The following BORCS5 variants were observed in gnomAD, a reference collection of about 807,000 sequenced individuals.
The protein encoded by BORCS5 is BLOC-1-related complex subunit 5.
A neutral mutation model predicts 22.1 loss-of-function variants in BORCS5; 17 were observed. The observed-to-expected ratio is 0.77, with a 90% CI of 0.53 to 1.15. The LOEUF (loss-of-function observed/expected upper bound fraction) is 1.15, where lower values mean the gene tolerates loss of function less well. Ranked by LOEUF, BORCS5 falls within the 50% of genes most tolerant of loss-of-function variation. The pLI is 0.00. For synonymous variants in BORCS5, 117 were observed against 99.8 expected, an observed-to-expected ratio of 1.17 and a Z score of -1.03; for missense variants, 247 against 253.2, an observed-to-expected ratio of 0.98 and a Z score of 0.17.
intron 2 of BORCS5, among the ~76,000 whole-genome samples, chr12:12,397,666 A>G (rs1456225749): frequency 1.3e-5 from 2 of 152,238 alleles, no homozygotes; most frequent in Non-Finnish European, 2.9e-5. Flanking sequence ...TACCACCGCC[A>G]GTTTTTTCAG....
chr12:12,438,360 CAAA>C (rs57737663), intron 3 of BORCS5, among the ~76,000 whole-genome samples: 22 of 23,786 alleles, frequency 9.2e-4, no homozygotes, highest in East Asian at 2.9e-3. Context: ...GATTTCATCT[CAAA>C]AAAAAAAAAA....
intron 2 of BORCS5, among the ~76,000 whole-genome samples, chr12:12,365,327 C>A (rs1175749754): frequency 6.6e-6 from 1 of 151,806 alleles, no homozygotes; most frequent in Non-Finnish European, 1.5e-5. Context: ...CACCACCACA[C>A]CCGGCTAATT....
At position 12,431,154 on chromosome 12, in the gene BORCS5, C is replaced by T. The variant is rs982099261; in HGVS notation, c.203-4474C>T. On this transcript the variant is annotated intron_variant, in intron 2 of 3. Coordinates refer to ENST00000314565, the MANE Select transcript of BORCS5 (RefSeq NM_058169.6). ...GTTATCCATGCCAAATTGCCCTCCT[C>T]CATAGGGTGTTAACAACTTACACAC... Among the ~76,000 whole-genome samples the T allele has an allele frequency of 7.5e-4, 115 of 152,320 alleles. 1 individual carries two copies. The highest frequency in any genetic ancestry group is 2.7e-3 in the African/African-American group (114 of 41,572).
At chr12:12,404,552 T>G (rs1473190257) in intron 2 of BORCS5, among the ~76,000 whole-genome samples, 1 of 152,186 alleles carries the variant, frequency 6.6e-6, no homozygotes, top group Non-Finnish European at 1.5e-5. Context: ...CCACCTCCTA[T>G]TACTGTCATT....
At chr12:12,405,095 A>G (rs548536394) in intron 2 of BORCS5, among the ~76,000 whole-genome samples, 2 of 152,358 alleles carry the variant, frequency 1.3e-5, no homozygotes, top group East Asian at 3.9e-4. Flanking sequence ...AGGAATGTCA[A>G]CAATAATACA....
chr12:12,419,597 C>G (rs776275967), intron 2 of BORCS5, among the ~76,000 whole-genome samples: 10 of 152,182 alleles, frequency 6.6e-5, no homozygotes, highest in African/African-American at 2.4e-4. Context: ...ATTTCTAGTT[C>G]TAGATCCTTG....
intron 3 of BORCS5, among the ~76,000 whole-genome samples, chr12:12,443,756 C>G (rs1455544502): frequency 1.3e-5 from 2 of 152,248 alleles, no homozygotes; most frequent in Non-Finnish European, 2.9e-5. Context: ...GTGTGAACAG[C>G]AGCCCCATTT....
chr12:12,372,311 A>C (rs1471233556), intron 2 of BORCS5, among the ~76,000 whole-genome samples: 1 of 152,018 alleles, frequency 6.6e-6, no homozygotes, highest in Non-Finnish European at 1.5e-5. Flanking sequence ...AAGTGCTGGG[A>C]GTAGAGTGCA....
chr12:12,377,350 G>A (rs1392595311), intron 2 of BORCS5, among the ~76,000 whole-genome samples: 1 of 151,592 alleles, frequency 6.6e-6, no homozygotes, highest in African/African-American at 2.4e-5. Flanking sequence ...GGCTAATTTT[G>A]TGTATTTTTA....
intron 2 of BORCS5, among the ~76,000 whole-genome samples, chr12:12,397,394 A>G (rs1941375505): frequency 6.6e-6 from 1 of 152,206 alleles, no homozygotes; most frequent in South Asian, 2.1e-4. Flanking sequence ...GTCAGCCAGT[A>G]CTGGAATGTG....
At chr12:12,459,296 A>G (rs1943059110) in intron 3 of BORCS5, among the ~76,000 whole-genome samples, 1 of 151,756 alleles carries the variant, frequency 6.6e-6, no homozygotes, top group South Asian at 2.1e-4. Flanking sequence ...AAATCTTTGC[A>G]TACCCCAAGG....
Position 12,432,708 on chromosome 12 carries a change from C to G in BORCS5, c.203-2920C>G, listed in dbSNP as rs1404390052. ...ACTCAGAAATAAAAAAAGAATTAAC[C>G]ATTGATATATCAACAACATAGACAC... On this transcript the variant is annotated intron_variant, in intron 2 of 3. Coordinates refer to ENST00000314565, the MANE Select transcript of BORCS5 (RefSeq NM_058169.6). Among the ~76,000 whole-genome samples, 3 of 152,272 alleles carry G rather than the reference C, an allele frequency of 2.0e-5. No homozygotes were observed. The East Asian group carries it at 5.8e-4, about 29-fold the overall frequency.
At chr12:12,396,557 G>T (rs1322130255) in intron 2 of BORCS5, among the ~76,000 whole-genome samples, 3 of 152,118 alleles carry the variant, frequency 2.0e-5, no homozygotes, top group Admixed American at 6.5e-5. Flanking sequence ...TACAGTCATG[G>T]CAAATGTCAC....
intron 2 of BORCS5, among the ~76,000 whole-genome samples, chr12:12,403,527 G>C (rs1345583747): frequency 6.6e-6 from 1 of 152,206 alleles, no homozygotes; most frequent in Non-Finnish European, 1.5e-5. Flanking sequence ...GATGAGGAAA[G>C]GGTAACAATT....
chr12:12,469,150 C>T lies in BORCS5; in HGVS notation c.*3374C>T. ...AGTGGATCACCTGAGGTCAGGAGTTCCAGACCAGCCTGACCAACATGGTGA... is the reference window on the plus strand; with the variant it reads ...AGTGGATCACCTGAGGTCAGGAGTTTCAGACCAGCCTGACCAACATGGTGA... On this transcript the variant is annotated 3_prime_UTR_variant, in exon 4 of 4. Transcript: ENST00000314565. The T allele has an allele frequency of 6.6e-6, 1 of 152,184 alleles. No homozygotes were observed. The highest frequency in any genetic ancestry group is 1.5e-5 in the Non-Finnish European group (1 of 68,028). The allele number at this position is 152,184 out of a possible 1,614,324, so 9.4% of individuals were successfully genotyped here. A position where few individuals can be genotyped will look rare whatever the true frequency, so the allele number is the denominator to read the frequency against.
intron 3 of BORCS5, among the ~76,000 whole-genome samples, chr12:12,443,153 CA>C (rs1942718586): frequency 6.8e-6 from 1 of 147,438 alleles, no homozygotes; most frequent in African/African-American, 2.7e-5. Flanking sequence ...CTTTAAATGA[CA>C]ACATTGTTAG....
chr12:12,438,610 A>G (rs1942616166), intron 3 of BORCS5, among the ~76,000 whole-genome samples: 1 of 152,036 alleles, frequency 6.6e-6, no homozygotes, highest in Non-Finnish European at 1.5e-5. Context: ...TTCCTCCAAT[A>G]TATATGATGG....
At chr12:12,442,808 C>T (rs983632037) in intron 3 of BORCS5, among the ~76,000 whole-genome samples, 2 of 152,148 alleles carry the variant, frequency 1.3e-5, no homozygotes, top group African/African-American at 4.8e-5. Flanking sequence ...CATGGTAGGT[C>T]CTCAACTGGT....
chr12:12,387,071 T>C, intron 2 of BORCS5, among the ~76,000 whole-genome samples: 1 of 151,328 alleles, frequency 6.6e-6, no homozygotes, highest in East Asian at 1.9e-4. Flanking sequence ...TCTTATTGTG[T>C]TGTTAAGACT....
Sources: gnomAD v4.1 joint callset for allele counts (sites outside exome capture counted in the v4.1 genomes callset) on GRCh38, gnomAD v4.1.1 for gene constraint, MANE v1.5 for transcripts, NCBI Gene and HGNC (gene_info 2026-07-23, HGNC 2026-07-21) for gene names.